Variants in C12orf50 observed in about 807,000 individuals in gnomAD.
C12orf50 encodes the protein zinc finger CCCH-type containing 11D.
In C12orf50, 35 loss-of-function variants were observed where a neutral mutation model predicts 61.6. That is an observed-to-expected ratio of 0.57 (90% CI 0.43 to 0.75). The LOEUF is 0.75. C12orf50 is among the 30% of genes least tolerant of loss of function. C12orf50 has a pLI of 0.00. For synonymous variants in C12orf50, 178 were observed against 161.5 expected, an observed-to-expected ratio of 1.10 and a Z score of -0.77; for missense variants, 475 against 488.5, an observed-to-expected ratio of 0.97 and a Z score of 0.26.
chr12:87,997,657 G>A (rs1446307713), intron 4 of C12orf50, among the ~76,000 whole-genome samples: 2 of 152,112 alleles, frequency 1.3e-5, no homozygotes, highest in African/African-American at 2.4e-5. Flanking sequence ...GTGAGAACAT[G>A]TGGTGTTTGG....
intron 11 of C12orf50, 60 bp from the exon 12 acceptor site, chr12:87,983,255 G>T: frequency 8.8e-7 from 1 of 1,142,622 alleles, no homozygotes; most frequent in Non-Finnish European, 1.3e-6. Flanking sequence ...TTCCAAGGGT[G>T]TTTCAAAGTT....
intron 7 of C12orf50, among the ~76,000 whole-genome samples, chr12:87,993,972 G>A (rs971958454): frequency 7.9e-5 from 12 of 152,018 alleles, no homozygotes; most frequent in Non-Finnish European, 1.6e-4. Flanking sequence ...GGCCAAGGCG[G>A]GCAAATCACC....
intron 3 of C12orf50, among the ~76,000 whole-genome samples, chr12:88,016,838 G>T (rs543443791): frequency 6.6e-6 from 1 of 152,302 alleles, no homozygotes; most frequent in African/African-American, 2.4e-5. Flanking sequence ...TTGTATCTGA[G>T]AAATCATAGG....
intron 12 of C12orf50, among the ~76,000 whole-genome samples, chr12:87,982,334 G>T (rs1308695597): frequency 1.3e-5 from 2 of 152,192 alleles, no homozygotes; most frequent in East Asian, 3.9e-4. Context: ...GGGAAAGATG[G>T]GGGGAAAATG....
chr12:88,018,932 T>C (rs1484275776), intron 3 of C12orf50, among the ~76,000 whole-genome samples: 7 of 152,220 alleles, frequency 4.6e-5, no homozygotes, highest in Admixed American at 2.6e-4. Flanking sequence ...TTTTACAGGA[T>C]CACAGGCAGA....
chr12:87,999,077 G>A (rs1183058873), intron 3 of C12orf50, among the ~76,000 whole-genome samples: 1 of 152,144 alleles, frequency 6.6e-6, no homozygotes, highest in Non-Finnish European at 1.5e-5. Flanking sequence ...TCAATGAAAA[G>A]TAGCCAGCCC....
intron 3 of C12orf50, among the ~76,000 whole-genome samples, chr12:88,000,863 T>A (rs1397327894): frequency 6.6e-6 from 1 of 151,928 alleles, no homozygotes; most frequent in Admixed American, 6.6e-5. Context: ...CACAATCCAT[T>A]ACTGTATATT....
intron 3 of C12orf50, among the ~76,000 whole-genome samples, chr12:88,012,447 A>G (rs971211462): frequency 3.3e-5 from 5 of 152,208 alleles, no homozygotes; most frequent in Admixed American, 1.3e-4. Context: ...ACTCACAGGA[A>G]TTGGGCACTG....
intron 3 of C12orf50, among the ~76,000 whole-genome samples, chr12:88,021,637 C>CA (rs139285610): frequency 0.063 from 9,111 of 144,114 alleles, 957 homozygotes; most frequent in African/African-American, 0.22. Flanking sequence ...GACTCTGTTT[C>CA]AAAAAAAAAA....
At chr12:88,015,899 CA>C (rs2136477376) in intron 3 of C12orf50, among the ~76,000 whole-genome samples, 1 of 152,206 alleles carries the variant, frequency 6.6e-6, no homozygotes, top group South Asian at 2.1e-4. Context: ...GTTTAAATTG[CA>C]AAGAGAGTAA....
At chr12:88,022,596 C>G (rs1395353727) in intron 3 of C12orf50, among the ~76,000 whole-genome samples, 3 of 152,110 alleles carry the variant, frequency 2.0e-5, no homozygotes, top group Non-Finnish European at 4.4e-5. Context: ...AATTCTATAT[C>G]TAGAAAACCT....
chr12:87,987,876 A>G lies in C12orf50; in HGVS notation c.791T>C (p.Met264Thr), dbSNP rs373023416. Residue 264 changes from methionine (M) to threonine (T), a missense_variant, in exon 9 of 13, where the codon ATG becomes ACG. By Grantham distance (81) the Met-to-Thr change is moderately conservative. Transcript: ENST00000298699. Reference protein sequence around the residue: ...HVLNATENISMKCREDPSSMN... With the variant: ...HVLNATENISTKCREDPSSMN... Reference sequence around the variant, plus strand: ...TGAAGAGGGGTCCTCTCTGCACTTCATACTGATATTCTCAGTAGCATTTAA... The same window carrying G: ...TGAAGAGGGGTCCTCTCTGCACTTCGTACTGATATTCTCAGTAGCATTTAA... 5 of 1,607,978 alleles carry G rather than the reference A, an allele frequency of 3.1e-6. No homozygotes were observed. The highest frequency in any genetic ancestry group is 1.3e-5 in the African/African-American group (1 of 74,864).
intron 11 of C12orf50, chr12:87,985,575 C>G (rs904294386): frequency 4.0e-5 from 17 of 429,304 alleles, no homozygotes; most frequent in Non-Finnish European, 7.1e-5. Context: ...TGACATGAAG[C>G]TGTCCTGGAG....
chr12:87,981,852 C>T (rs1358630561), intron 12 of C12orf50, among the ~76,000 whole-genome samples: 2 of 152,066 alleles, frequency 1.3e-5, no homozygotes, highest in Admixed American at 6.6e-5. Context: ...CCCCCTAACC[C>T]AGATAACAGC....
In C12orf50 at chr12:87,989,336, G is replaced by A; in HGVS notation, c.628C>T (p.Leu210Phe). The stretch of plus-strand genomic sequence containing the variant: ...AAAGCTTCACTTTCATCGACTCCAA[G>A]AAATATGACCCTCTGTGGAACATAA... ...DCYVPQRVIFLGVDESEALTE... is the reference protein window; with the variant it reads ...DCYVPQRVIFFGVDESEALTE... Residue 210 changes from leucine to phenylalanine, a missense_variant, in exon 8 of 13, where the codon CTT becomes TTT. By Grantham distance (22) the Leu-to-Phe change is conservative (BLOSUM62 0). Coordinates refer to ENST00000298699, the MANE Select transcript of C12orf50 (RefSeq NM_152589.3). 1 of 1,611,794 alleles carries A rather than the reference G, an allele frequency of 6.2e-7. No homozygotes were observed. The highest frequency in any genetic ancestry group is 8.5e-7 in the Non-Finnish European group (1 of 1,178,672).
chr12:88,018,103 G>A lies in C12orf50; in HGVS notation c.133+8385C>T, dbSNP rs989281259. 1.3e-4 allele frequency among the ~76,000 whole-genome samples: 20 copies of A among 152,336 alleles called. No individual in the cohort carries two copies. In the South Asian group the frequency reaches 2.1e-3, roughly 16 times the overall value. On this transcript the variant is annotated intron_variant, in intron 3 of 12. Transcript: ENST00000298699. Reference sequence around the variant, plus strand: ...AGATAATGGGGAAAATGTCTCCAATGTATGTCAGGGACCTTCTTGGCAGCC... The same window carrying A: ...AGATAATGGGGAAAATGTCTCCAATATATGTCAGGGACCTTCTTGGCAGCC...
chr12:87,989,041 T>G (rs1251833519), intron 8 of C12orf50, among the ~76,000 whole-genome samples: 2 of 152,066 alleles, frequency 1.3e-5, no homozygotes, highest in Non-Finnish European at 2.9e-5. Flanking sequence ...CTAGCAATAC[T>G]AGAAATTATA....
chr12:88,026,996 C>T lies in C12orf50; in HGVS notation c.-34G>A. ...ATCTGCAAAGTGGATCTAAACATTT[C>T]CTCTCTCTCCATAATGAGCACACAG... On this transcript the variant is annotated 5_prime_UTR_variant, in exon 2 of 13. Coordinates refer to ENST00000298699, the MANE Select transcript of C12orf50 (RefSeq NM_152589.3). 1 of 1,613,968 alleles carries T rather than the reference C, an allele frequency of 6.2e-7. No individual in the cohort carries two copies.
At position 87,998,473 on chromosome 12, in the gene C12orf50, A is replaced by G. The variant is rs1383654884; in HGVS notation, c.134-283T>C. Among the ~76,000 whole-genome samples the G allele has an allele frequency of 2.6e-5, 4 of 152,140 alleles. No individual in the cohort carries two copies. In the East Asian group the frequency reaches 7.7e-4, roughly 29 times the overall value. On this transcript the variant is annotated intron_variant, in intron 3 of 12. Transcript: ENST00000298699. ...ATTCTGAAAAAGATTCTGAAAATAT[A>G]TATATTGAAAAAGATTTTTATCTTA...
Sources: gnomAD v4.1 joint callset for allele counts (sites outside exome capture counted in the v4.1 genomes callset) on GRCh38, gnomAD v4.1.1 for gene constraint, MANE v1.5 for transcripts, NCBI Gene and HGNC (gene_info 2026-07-23, HGNC 2026-07-21) for gene names.